PCNX2: variants seen among roughly 807,000 people sequenced by gnomAD.
PCNX2 encodes pecanex-like protein 2.
Under a neutral mutation model 223.8 loss-of-function variants are expected in PCNX2, and 168 were observed. The observed-to-expected ratio is 0.75, with a 90% CI of 0.66 to 0.85. The LOEUF (loss-of-function observed/expected upper bound fraction) is 0.85. Ranked by LOEUF, PCNX2 falls within the 40% of genes least tolerant of loss-of-function variation. The pLI is 0.00. For synonymous variants in PCNX2, 1,006 were observed against 1,052.6 expected (o/e 0.96, Z 0.86); for missense variants, 2,507 against 2,675.5 (o/e 0.94, Z 1.39).
intron 1 of PCNX2, among the ~76,000 whole-genome samples, chr1:233,273,685 A>G (rs76872762): frequency 0.1 from 15,333 of 151,034 alleles, 914 homozygotes; most frequent in South Asian, 0.19. Context: ...GTGCAGTGGC[A>G]CAATCTCGGC....
In PCNX2 at chr1:233,146,151, T is replaced by C. The variant is rs77297628; in HGVS notation, c.3518-6296A>G. On this transcript the variant is annotated intron_variant, in intron 19 of 33. Transcript: ENST00000258229. ...ATGTTATTCCTTCACGCCATCACTGTACCCTGTGAATTCTATAATTTAAGG... is the reference window on the plus strand; with the variant it reads ...ATGTTATTCCTTCACGCCATCACTGCACCCTGTGAATTCTATAATTTAAGG... Among the ~76,000 whole-genome samples, 663 of 152,342 alleles carry C rather than the reference T, an allele frequency of 4.4e-3. 8 individuals are homozygous for C. The highest frequency in any genetic ancestry group is 0.015 in the African/African-American group (635 of 41,588).
rs370357929 is a variant in PCNX2 at position 233,243,253 on chromosome 1, T to C, written c.2223-6273A>G. 1.2e-4 allele frequency among the ~76,000 whole-genome samples: 19 copies of C among 152,246 alleles called. No homozygotes were observed. The South Asian group carries it at 3.9e-3, about 32-fold the overall frequency. On this transcript the variant is annotated intron_variant, in intron 8 of 33. Transcript: ENST00000258229. ...GTCACACGGTAACAAGGCTCAACAA[T>C]AGCTAAGAGGAATGGCTTTTTTGCC...
chr1:233,102,755 C>T (rs558504051), intron 21 of PCNX2, among the ~76,000 whole-genome samples: 34 of 152,032 alleles, frequency 2.2e-4, no homozygotes, highest in Non-Finnish European at 4.0e-4. Context: ...AATATATTGT[C>T]GTTATTAATC....
chr1:233,193,134 G>C (rs1045899510), intron 15 of PCNX2, among the ~76,000 whole-genome samples: 2 of 148,466 alleles, frequency 1.3e-5, no homozygotes, highest in Non-Finnish European at 3.0e-5. Context: ...ATATAAACTA[G>C]TATAATTCCT....
At chr1:233,288,302 A>G (rs1252119212) in intron 1 of PCNX2, among the ~76,000 whole-genome samples, 4 of 152,188 alleles carry the variant, frequency 2.6e-5, no homozygotes, top group Admixed American at 2.0e-4. Flanking sequence ...TACCCTTGGG[A>G]AAAATACCAT....
At chr1:233,182,121 C>A (rs1679836218) in intron 15 of PCNX2, among the ~76,000 whole-genome samples, 1 of 152,090 alleles carries the variant, frequency 6.6e-6, no homozygotes, top group South Asian at 2.1e-4. Context: ...CCATTGGGTT[C>A]CTCTTCTTTA....
chr1:233,235,985 T>TATATATAA (rs1265599637), intron 9 of PCNX2, among the ~76,000 whole-genome samples: 45 of 143,616 alleles, frequency 3.1e-4, no homozygotes, highest in Admixed American at 5.6e-4. Context: ...TATATATATA[T>TATATATAA]AATTATATTA....
At chr1:233,068,758 T>C (rs1160414767) in intron 23 of PCNX2, among the ~76,000 whole-genome samples, 1 of 151,974 alleles carries the variant, frequency 6.6e-6, no homozygotes, top group Admixed American at 6.5e-5. Flanking sequence ...CTGAAAAATG[T>C]TCAAGAAACA....
chr1:233,227,257 C>A lies in PCNX2; in HGVS notation c.2473G>T (p.Asp825Tyr). 1 of 1,612,838 alleles carries A rather than the reference C, an allele frequency of 6.2e-7. No homozygotes were observed. Among genetic ancestry groups the A allele is most frequent in the Non-Finnish European group, 8.5e-7 (1 of 1,179,332 alleles). ...FPGKWIKVWY[D>Y]RLTLLALLDR... is the part of the protein sequence containing the mutation. The stretch of plus-strand genomic sequence containing the variant: ...AGTAATGCCAGCAAGGTCAGTCGAT[C>A]ATACCAGACTTTAATCCACTTGCCA... Residue 825 changes from aspartate to tyrosine, a missense_variant, in exon 10 of 34, where the codon GAT becomes TAT. Transcript: ENST00000258229.
At chr1:233,059,051 C>T (rs962481669) in intron 23 of PCNX2, among the ~76,000 whole-genome samples, 6 of 152,240 alleles carry the variant, frequency 3.9e-5, no homozygotes, top group African/African-American at 1.4e-4. Flanking sequence ...CATGCCCAGA[C>T]CTCTTAGTCC....
chr1:233,154,345 G>A (rs1677988505), intron 19 of PCNX2, among the ~76,000 whole-genome samples: 1 of 152,204 alleles, frequency 6.6e-6, no homozygotes, highest in Admixed American at 6.5e-5. Context: ...CTCCCAAAGT[G>A]CTGGGATTAC....
At position 233,222,060 on chromosome 1, in the gene PCNX2, C is replaced by T. The variant is rs76184415; in HGVS notation, c.2505-3876G>A. ...AATATACAATATGTAAACATAAATG[C>T]AACAGAAAAAAGAATAGAACCAGGC... On this transcript the variant is annotated intron_variant, in intron 10 of 33. Coordinates refer to ENST00000258229, the MANE Select transcript of PCNX2 (RefSeq NM_014801.4). Among the ~76,000 whole-genome samples, 692 of 152,128 alleles carry T rather than the reference C, an allele frequency of 4.5e-3. 7 individuals carry two copies. The highest frequency in any genetic ancestry group is 0.016 in the African/African-American group (659 of 41,478).
At chr1:233,171,711 CAAGAT>C (rs1434750938) in intron 17 of PCNX2, among the ~76,000 whole-genome samples, 1 of 152,128 alleles carries the variant, frequency 6.6e-6, no homozygotes, top group Non-Finnish European at 1.5e-5. Flanking sequence ...TCCTGAATCT[CAAGAT>C]AAGTGTCTTT....
chr1:233,036,147 T>A (rs1671446071), intron 25 of PCNX2, among the ~76,000 whole-genome samples: 1 of 152,130 alleles, frequency 6.6e-6, no homozygotes, highest in Non-Finnish European at 1.5e-5. Flanking sequence ...CTCCTGCAGC[T>A]TCCACGTCAT....
intron 23 of PCNX2, chr1:233,058,152 G>A (rs1014027983): frequency 8.6e-5 from 63 of 732,996 alleles, no homozygotes; most frequent in Middle Eastern, 1.4e-3. Flanking sequence ...GCTTTTGTAA[G>A]GCAGCCAGTC....
intron 19 of PCNX2, among the ~76,000 whole-genome samples, chr1:233,146,990 A>T (rs1269779262): frequency 1.3e-5 from 2 of 152,272 alleles, no homozygotes; most frequent in East Asian, 1.9e-4. Context: ...CACATAAAAC[A>T]ATGAATTTCA....
the PCNX2 span, among the ~76,000 whole-genome samples, chr1:233,304,427 A>G: frequency 6.6e-6 from 1 of 152,238 alleles, no homozygotes; most frequent in African/African-American, 2.4e-5. Flanking sequence ...TAATGAGGAA[A>G]TGCCTAATAG....
intron 1 of PCNX2, among the ~76,000 whole-genome samples, chr1:233,276,197 AT>A: frequency 1.3e-5 from 2 of 152,340 alleles, no homozygotes; most frequent in Admixed American, 6.5e-5. Context: ...AGGATGTTAT[AT>A]TAAGTCAAAT....
At chr1:233,130,148 A>G (rs1676384685) in intron 21 of PCNX2, among the ~76,000 whole-genome samples, 1 of 152,144 alleles carries the variant, frequency 6.6e-6, no homozygotes, top group Admixed American at 6.5e-5. Flanking sequence ...CGAACCCACC[A>G]GAAGGAAGAA....
Sources: gnomAD v4.1 joint callset for allele counts (sites outside exome capture counted in the v4.1 genomes callset) on GRCh38, gnomAD v4.1.1 for gene constraint, MANE v1.5 for transcripts, NCBI Gene and HGNC (gene_info 2026-07-23, HGNC 2026-07-21) for gene names.